The following ZNF722 variants were observed in gnomAD, a reference collection of about 807,000 sequenced individuals.
The protein encoded by ZNF722 is zinc finger protein 722.
At chr7:64,016,430 T>C in the ZNF722 span, among the ~76,000 whole-genome samples, 1 of 151,522 alleles carries the variant, frequency 6.6e-6, no homozygotes, top group Non-Finnish European at 1.5e-5. Context: ...AGAGATACCC[T>C]AGAAAGGTTA....
the ZNF722 span, among the ~76,000 whole-genome samples, chr7:64,000,468 T>TTTTTTTG: frequency 7.8e-6 from 1 of 127,942 alleles, no homozygotes; most frequent in Non-Finnish European, 1.6e-5. Flanking sequence ...TTTTTTTTTT[T>TTTTTTTG]GAGAGGGAGT....
the ZNF722 span, among the ~76,000 whole-genome samples, chr7:64,017,106 T>C: frequency 0.71 from 107,720 of 152,112 alleles, 38,770 homozygotes; most frequent in Non-Finnish European, 0.77. Context: ...GCATTATAGG[T>C]TGGGCGTGTT....
chr7:64,015,304 C>T, the ZNF722 span: 4 of 1,282,972 alleles, frequency 3.1e-6, no homozygotes, highest in East Asian at 7.0e-5. Context: ...ACAAGATATA[C>T]TGGAAAGAAA....
At chr7:64,002,734 A>C in the ZNF722 span, among the ~76,000 whole-genome samples, 1 of 152,198 alleles carries the variant, frequency 6.6e-6, no homozygotes, top group Non-Finnish European at 1.5e-5. Context: ...GTACCTGCTT[A>C]ATAAACATTT....
the ZNF722 span, among the ~76,000 whole-genome samples, chr7:64,008,167 C>T: frequency 2.6e-5 from 4 of 152,206 alleles, no homozygotes; most frequent in East Asian, 7.7e-4. Context: ...GGGTAGATTG[C>T]AAAAATTTTC....
At chr7:64,016,663 A>G in the ZNF722 span, among the ~76,000 whole-genome samples, 1 of 152,158 alleles carries the variant, frequency 6.6e-6, no homozygotes, top group African/African-American at 2.4e-5. Context: ...ATGTAAGATA[A>G]TTGATATTGG....
the ZNF722 span, chr7:64,015,913 G>A: frequency 6.6e-7 from 1 of 1,515,690 alleles, no homozygotes; most frequent in East Asian, 2.3e-5. Context: ...CCCTACAAAA[G>A]TAAATAATGT....
At chr7:64,002,598 G>A in the ZNF722 span, among the ~76,000 whole-genome samples, 1 of 152,134 alleles carries the variant, frequency 6.6e-6, no homozygotes, top group Admixed American at 6.6e-5. Context: ...TAAAAATGCT[G>A]TGCTCTTAAT....
the ZNF722 span, chr7:64,005,582 GT>G: frequency 2.2e-6 from 2 of 918,968 alleles, no homozygotes; most frequent in Admixed American, 1.9e-5. Context: ...GTTCATGAGT[GT>G]TTTTTGTTTT....
the ZNF722 span, among the ~76,000 whole-genome samples, chr7:64,014,210 A>G: frequency 1.3e-5 from 2 of 151,176 alleles, no homozygotes; most frequent in Admixed American, 6.6e-5. Flanking sequence ...TACTTCCACA[A>G]TTGTTTATTT....
the ZNF722 span, among the ~76,000 whole-genome samples, chr7:64,013,091 C>A: frequency 6.6e-6 from 1 of 152,076 alleles, no homozygotes; most frequent in Non-Finnish European, 1.5e-5. Context: ...AAATCTTTTT[C>A]TTTATAAATT....
chr7:63,999,833 G>C, the ZNF722 span, among the ~76,000 whole-genome samples: 1 of 151,762 alleles, frequency 6.6e-6, no homozygotes, highest in Non-Finnish European at 1.5e-5. Context: ...GAGTAGCTGG[G>C]ATTACAGGAG....
At chr7:64,013,655 ATAAC>A in the ZNF722 span, among the ~76,000 whole-genome samples, 2 of 152,126 alleles carry the variant, frequency 1.3e-5, no homozygotes, top group Non-Finnish European at 2.9e-5. Flanking sequence ...ATTTTAAAGA[ATAAC>A]TAAAAATGTT....
the ZNF722 span, among the ~76,000 whole-genome samples, chr7:64,008,036 A>G: frequency 0.71 from 107,892 of 152,114 alleles, 38,840 homozygotes; most frequent in Non-Finnish European, 0.77. Context: ...CTGCATAAAT[A>G]TCTTCTTTTG....
the ZNF722 span, among the ~76,000 whole-genome samples, chr7:64,003,508 G>C: frequency 4.5e-4 from 69 of 152,092 alleles, no homozygotes; most frequent in Non-Finnish European, 3.4e-4. Flanking sequence ...CTTTTTCTTG[G>C]TGAACATGTC....
chr7:63,999,183 G>T, the ZNF722 span, among the ~76,000 whole-genome samples: 2 of 152,194 alleles, frequency 1.3e-5, no homozygotes, highest in African/African-American at 4.8e-5. Flanking sequence ...CCAGCGGCTG[G>T]GACCCTGGGA....
the ZNF722 span, among the ~76,000 whole-genome samples, chr7:64,012,950 A>G: frequency 6.6e-6 from 1 of 152,150 alleles, no homozygotes; most frequent in Non-Finnish European, 1.5e-5. Context: ...TCACACTCGC[A>G]TCATCTTTCA....
the ZNF722 span, among the ~76,000 whole-genome samples, chr7:64,003,426 C>A: frequency 2.0e-5 from 3 of 152,068 alleles, no homozygotes; most frequent in African/African-American, 7.2e-5. Context: ...TCTCAAGATG[C>A]AGGTTTGATA....
the ZNF722 span, among the ~76,000 whole-genome samples, chr7:64,017,476 A>G: frequency 6.6e-6 from 1 of 152,232 alleles, no homozygotes; most frequent in Admixed American, 6.5e-5. Context: ...TATTCTGAAG[A>G]CAAACATACA....
Sources: allele counts gnomAD v4.1 joint callset (sites outside exome capture counted in the v4.1 genomes callset), GRCh38; gene constraint gnomAD v4.1.1; transcripts MANE v1.5; gene names NCBI Gene and HGNC (gene_info 2026-07-23, HGNC 2026-07-21).